The following MGAT5 variants were observed in gnomAD, a reference collection of about 807,000 sequenced individuals.
MGAT5 encodes the protein alpha-1,6-mannosylglycoprotein 6-beta-N-acetylglucosaminyltransferase A.
Under a neutral mutation model 94.3 loss-of-function variants are expected in MGAT5, and 30 were observed. The ratio of observed to expected loss-of-function variants is 0.32; its 90% CI spans 0.24 to 0.43. The LOEUF is 0.43. Among genes scored for constraint, MGAT5 ranks in the 20% least tolerant of loss-of-function variants. The pLI is 1.00. For missense variants in MGAT5, 691 were observed against 905.5 expected, an observed-to-expected ratio of 0.76 and a Z score of 3.04; for synonymous variants, 310 against 322.9, an observed-to-expected ratio of 0.96 and a Z score of 0.43.
upstream of MGAT5, among the ~76,000 whole-genome samples, chr2:134,251,625 A>T (rs191983381): frequency 2.4e-3 from 371 of 152,268 alleles, 1 homozygote; most frequent in Non-Finnish European, 4.0e-3. Context: ...TGTTTTAAAA[A>T]TTTTTTTAAA....
chr2:134,437,009 C>T (rs77901367), intron 14 of MGAT5, among the ~76,000 whole-genome samples: 4,189 of 152,262 alleles, frequency 0.028, 134 homozygotes, highest in African/African-American at 0.068. Context: ...TGTTTTTTGA[C>T]ACAGAGTCTC....
chr2:134,248,711 G>A (rs1682422565), intron 1 of MGAT5, among the ~76,000 whole-genome samples: 1 of 152,048 alleles, frequency 6.6e-6, no homozygotes, highest in South Asian at 2.1e-4. Context: ...TGTGGCGCAT[G>A]GGATGGTATT....
chr2:134,216,346 T>C (rs1438662356), intron 1 of MGAT5, among the ~76,000 whole-genome samples: 1 of 152,204 alleles, frequency 6.6e-6, no homozygotes. Context: ...CGAACTTGAT[T>C]TTCAGGTTTT....
chr2:134,129,200 G>A, intron 1 of MGAT5, among the ~76,000 whole-genome samples: 1 of 152,208 alleles, frequency 6.6e-6, no homozygotes, highest in East Asian at 1.9e-4. Context: ...TCTAGAGGCT[G>A]CCCGTGTTCC....
chr2:134,433,902 G>T (rs1685023832), intron 14 of MGAT5, among the ~76,000 whole-genome samples: 1 of 144,016 alleles, frequency 6.9e-6, no homozygotes, highest in African/African-American at 2.6e-5. Context: ...ATTTATATTT[G>T]AACCTGTGTT....
At chr2:134,163,741 A>G (rs1687842644) in intron 1 of MGAT5, among the ~76,000 whole-genome samples, 1 of 152,212 alleles carries the variant, frequency 6.6e-6, no homozygotes, top group Non-Finnish European at 1.5e-5. Flanking sequence ...CACAGTTCCC[A>G]TTCATTACCT....
At chr2:134,440,018 T>G (rs1307343820) in intron 14 of MGAT5, among the ~76,000 whole-genome samples, 1 of 152,186 alleles carries the variant, frequency 6.6e-6, no homozygotes, top group Non-Finnish European at 1.5e-5. Flanking sequence ...GGACACACAT[T>G]GAAAAGTACA....
intron 2 of MGAT5, among the ~76,000 whole-genome samples, chr2:134,283,889 G>C (rs1486817849): frequency 1.3e-5 from 2 of 151,090 alleles, no homozygotes; most frequent in African/African-American, 4.9e-5. Flanking sequence ...TGAGAAATTT[G>C]TGACTGGCTA....
At chr2:134,430,960 C>T (rs1419188110) in intron 14 of MGAT5, among the ~76,000 whole-genome samples, 1 of 152,096 alleles carries the variant, frequency 6.6e-6, no homozygotes, top group Non-Finnish European at 1.5e-5. Flanking sequence ...ATCACATGGC[C>T]CAGCCCGCCG....
chr2:134,132,839 A>G (rs1252621808), intron 1 of MGAT5, among the ~76,000 whole-genome samples: 1 of 152,276 alleles, frequency 6.6e-6, no homozygotes, highest in South Asian at 2.1e-4. Context: ...GTGAAAACTC[A>G]CCCTTCTCTG....
intron 10 of MGAT5, among the ~76,000 whole-genome samples, chr2:134,364,876 G>A (rs1680327305): frequency 6.6e-6 from 1 of 152,198 alleles, no homozygotes; most frequent in Non-Finnish European, 1.5e-5. Context: ...TGTGCGTCCT[G>A]GAGTATTTAG....
Position 134,430,310 on chromosome 2 carries a change from G to A in MGAT5, c.1869+1871G>A, listed in dbSNP as rs193076336. 1.7e-3 allele frequency among the ~76,000 whole-genome samples: 256 copies of A among 152,312 alleles called. 2 individuals carry two copies. The highest frequency in any genetic ancestry group is 5.7e-3 in the African/African-American group (238 of 41,574). On this transcript the variant is annotated intron_variant, in intron 14 of 15. Coordinates refer to ENST00000281923, the MANE Select transcript of MGAT5 (RefSeq NM_002410.5). Reference sequence around the variant, plus strand: ...TTGAAGGCTTTTATTTCTCCCCTGAGGCTCAGGAATTCCAGCCAGTCTTTA... The same window carrying A: ...TTGAAGGCTTTTATTTCTCCCCTGAAGCTCAGGAATTCCAGCCAGTCTTTA...
At chr2:134,239,445 G>A (rs371351506) in intron 1 of MGAT5, among the ~76,000 whole-genome samples, 6 of 152,290 alleles carry the variant, frequency 3.9e-5, no homozygotes, top group African/African-American at 1.4e-4. Context: ...GGTTACCAGA[G>A]AAACCAAATA....
rs369464274 is a variant in MGAT5 at position 134,373,511 on chromosome 2, C to T, written c.1380+11103C>T. On this transcript the variant is annotated intron_variant, in intron 10 of 15. Transcript: ENST00000281923. ...GAATGAGGTAATTGTGTTGATTATG[C>T]GATTTTCCACCTAAATAGAACCTTA... Among the ~76,000 whole-genome samples, 11 of 152,248 alleles carry T rather than the reference C, an allele frequency of 7.2e-5. No homozygotes were observed. In the East Asian group the frequency reaches 1.4e-3, roughly 19 times the overall value.
intron 10 of MGAT5, among the ~76,000 whole-genome samples, chr2:134,398,484 A>G (rs1682841441): frequency 6.6e-6 from 1 of 152,146 alleles, no homozygotes; most frequent in Non-Finnish European, 1.5e-5. Context: ...GAATGAGGGG[A>G]ACTGACGTCC....
At chr2:134,286,599 T>C (rs555628196) in intron 2 of MGAT5, among the ~76,000 whole-genome samples, 2 of 152,218 alleles carry the variant, frequency 1.3e-5, no homozygotes, top group African/African-American at 4.8e-5. Context: ...TTTGTATTTT[T>C]AGTAGAGACG....
chr2:134,338,468 A>T lies in MGAT5; in HGVS notation c.807+48A>T, dbSNP rs199983224. The T allele has an allele frequency of 1.5e-4, 229 of 1,541,162 alleles. No individual in the cohort carries two copies. In the Middle Eastern group the frequency reaches 1.7e-3, roughly 12 times the overall value. ...GCAGTTAGATGCCAGCTTTCTTTTA[A>T]AATTTGATTTTGCTTGGAAACAAGA... On this transcript the variant is annotated intron_variant, in intron 6 of 15. Coordinates refer to ENST00000281923, the MANE Select transcript of MGAT5 (RefSeq NM_002410.5).
At chr2:134,240,648 T>C (rs1681928365) in intron 1 of MGAT5, among the ~76,000 whole-genome samples, 1 of 152,152 alleles carries the variant, frequency 6.6e-6, no homozygotes, top group African/African-American at 2.4e-5. Context: ...TATTGAGGAG[T>C]ATATGAGAAT....
At chr2:134,381,364 T>TAGATAGATA (rs150819045) in intron 10 of MGAT5, among the ~76,000 whole-genome samples, 5 of 95,584 alleles carry the variant, frequency 5.2e-5, no homozygotes, top group Non-Finnish European at 1.1e-4. Context: ...GATAGATAGA[T>TAGATAGATA]AGATAAGATA....
Sources: gnomAD v4.1 joint callset for allele counts (sites outside exome capture counted in the v4.1 genomes callset) on GRCh38, gnomAD v4.1.1 for gene constraint, MANE v1.5 for transcripts, NCBI Gene and HGNC (gene_info 2026-07-23, HGNC 2026-07-21) for gene names.